The following DLC1 variants were observed in gnomAD, a reference collection of about 807,000 sequenced individuals.
DLC1 encodes the protein DLC1 Rho GTPase activating protein.
DLC1 carries 54 observed loss-of-function variants against 140.3 expected under a neutral mutation model. The ratio of observed to expected loss-of-function variants is 0.38; its 90% confidence interval spans 0.31 to 0.48. The LOEUF (loss-of-function observed/expected upper bound fraction) is 0.48. DLC1 is among the 20% of genes least tolerant of loss of function. The pLI is 0.96. For synonymous variants in DLC1, 986 were observed against 728.1 expected (o/e 1.35, Z -5.70); for missense variants, 2,536 against 1,907.0 (o/e 1.33, Z -6.14).
chr8:13,425,289 C>T (rs1838513960), intron 2 of DLC1, among the ~76,000 whole-genome samples: 1 of 152,176 alleles, frequency 6.6e-6, no homozygotes, highest in Non-Finnish European at 1.5e-5. Flanking sequence ...TTGCCAGGAA[C>T]ACAGACAGCC....
At chr8:13,507,985 A>AT (rs546298218) in intron 1 of DLC1, among the ~76,000 whole-genome samples, 28 of 152,130 alleles carry the variant, frequency 1.8e-4, no homozygotes, top group South Asian at 8.3e-4. Flanking sequence ...AACTTAAAAC[A>AT]TTTTTTTTAT....
At chr8:13,237,197 ATGTGTG>A (rs376660880) in intron 5 of DLC1, among the ~76,000 whole-genome samples, 25 of 138,210 alleles carry the variant, frequency 1.8e-4, no homozygotes, top group Admixed American at 4.4e-4. Flanking sequence ...ATATATATAT[ATGTGTG>A]TGTGTGTGTG....
chr8:13,327,976 T>A (rs1367829006), intron 4 of DLC1, among the ~76,000 whole-genome samples: 1 of 152,178 alleles, frequency 6.6e-6, no homozygotes, highest in Non-Finnish European at 1.5e-5. Context: ...GGGAACTACA[T>A]GTGCAAAAGT....
chr8:13,194,417 G>C (rs1259081617), intron 5 of DLC1, among the ~76,000 whole-genome samples: 2 of 152,178 alleles, frequency 1.3e-5, no homozygotes, highest in Non-Finnish European at 2.9e-5. Flanking sequence ...GAAAATAACA[G>C]CTTGCATTTT....
chr8:13,188,328 G>T (rs1489523253), intron 5 of DLC1, among the ~76,000 whole-genome samples: 3 of 141,974 alleles, frequency 2.1e-5, no homozygotes, highest in African/African-American at 7.8e-5. Context: ...GTCTACTTTG[G>T]TAGACATTTA....
At chr8:13,455,281 TG>T (rs1799331380) in intron 2 of DLC1, among the ~76,000 whole-genome samples, 2 of 152,320 alleles carry the variant, frequency 1.3e-5, no homozygotes, top group Admixed American at 1.3e-4. Context: ...TGCACACAAT[TG>T]CCTACACAGA....
chr8:13,558,386 G>A (rs1294879613), intron 1 of DLC1: 2 of 152,190 alleles, frequency 1.3e-5, no homozygotes, highest in African/African-American at 2.4e-5. Context: ...TGTGTTCAAT[G>A]AGGGAGAGGA....
intron 5 of DLC1, chr8:13,133,278 T>C: frequency 7.6e-7 from 1 of 1,316,508 alleles, no homozygotes; most frequent in Non-Finnish European, 9.7e-7. Context: ...GCTCGGGCAG[T>C]CGGAGCGAAC....
chr8:13,522,540 G>A (rs150014156), intron 1 of DLC1, among the ~76,000 whole-genome samples: 3,853 of 152,112 alleles, frequency 0.025, 76 homozygotes, highest in South Asian at 0.076. Flanking sequence ...CAGGAGAATC[G>A]CTTGAACCCA....
chr8:13,152,817 T>C (rs1308458623), intron 5 of DLC1, among the ~76,000 whole-genome samples: 2 of 762 alleles, frequency 2.6e-3, no homozygotes, highest in South Asian at 0.071. Flanking sequence ...ACCCTGTCTC[T>C]GGGGAAGAAA....
At chr8:13,324,242 G>T (rs754201478) in intron 4 of DLC1, among the ~76,000 whole-genome samples, 4 of 152,082 alleles carry the variant, frequency 2.6e-5, no homozygotes, top group Non-Finnish European at 4.4e-5. Context: ...TTATATTATT[G>T]AGGCATATGT....
intron 1 of DLC1, among the ~76,000 whole-genome samples, chr8:13,547,449 C>G (rs1021479036): frequency 4.6e-5 from 7 of 151,928 alleles, no homozygotes; most frequent in African/African-American, 1.7e-4. Flanking sequence ...TGTTACTCAC[C>G]CAACACAGTC....
intron 2 of DLC1, among the ~76,000 whole-genome samples, chr8:13,434,502 G>C (rs955644382): frequency 6.6e-6 from 1 of 152,100 alleles, no homozygotes; most frequent in African/African-American, 2.4e-5. Context: ...ATGCACATGT[G>C]TGTATGTATA....
intron 5 of DLC1, among the ~76,000 whole-genome samples, chr8:13,145,898 G>A (rs1823399003): frequency 6.6e-6 from 1 of 152,120 alleles, no homozygotes; most frequent in Admixed American, 6.5e-5. Context: ...AACTTTAACA[G>A]GAAAGAATAT....
chr8:13,392,562 A>C (rs1468573715), intron 4 of DLC1, among the ~76,000 whole-genome samples: 1 of 152,170 alleles, frequency 6.6e-6, no homozygotes, highest in African/African-American at 2.4e-5. Flanking sequence ...CAAGCAATCC[A>C]AACTTGTTTC....
chr8:13,362,629 G>C (rs572547599), intron 4 of DLC1, among the ~76,000 whole-genome samples: 4 of 151,984 alleles, frequency 2.6e-5, no homozygotes, highest in Admixed American at 2.6e-4. Flanking sequence ...TGTTAATCTT[G>C]TTACTAAAAC....
intron 2 of DLC1, among the ~76,000 whole-genome samples, chr8:13,424,173 T>A (rs1838446889): frequency 6.6e-6 from 1 of 152,140 alleles, no homozygotes; most frequent in Admixed American, 6.6e-5. Context: ...TAACTCATTG[T>A]CCTACCTGGA....
intron 1 of DLC1, among the ~76,000 whole-genome samples, chr8:13,603,504 A>G (rs893241713): frequency 1.3e-5 from 2 of 151,936 alleles, no homozygotes; most frequent in East Asian, 1.9e-4. Flanking sequence ...TTTTGTGCCA[A>G]TATTACCTTC....
chr8:13,520,622 T>TA (rs907078466), intron 1 of DLC1, among the ~76,000 whole-genome samples: 4 of 151,148 alleles, frequency 2.6e-5, no homozygotes, highest in African/African-American at 7.3e-5. Context: ...AAAGTATAAT[T>TA]AAAAAAAGAA....
Sources: allele counts gnomAD v4.1 joint callset (sites outside exome capture counted in the v4.1 genomes callset), GRCh38; gene constraint gnomAD v4.1.1; transcripts MANE v1.5; gene names NCBI Gene and HGNC (gene_info 2026-07-23, HGNC 2026-07-21).